SCHIP1: variants seen among roughly 807,000 people sequenced by gnomAD.
SCHIP1 encodes schwannomin interacting protein 1.
In SCHIP1, 8 loss-of-function variants were observed where a neutral mutation model predicts 29.7. The ratio of observed to expected loss-of-function variants is 0.27; its 90% CI spans 0.16 to 0.49. The LOEUF (loss-of-function observed/expected upper bound fraction) is 0.49. Ranked by LOEUF, SCHIP1 falls within the 20% of genes least tolerant of loss-of-function variation. SCHIP1 has a pLI of 0.99. For synonymous variants in SCHIP1, 76 were observed against 94.9 expected (o/e 0.80, Z 1.16); for missense variants, 193 against 294.6 (o/e 0.66, Z 2.52).
chr3:159,888,877 G>A (rs770497985), exon 5 of SCHIP1: 11 of 1,613,950 alleles, frequency 6.8e-6, no homozygotes, highest in Admixed American at 5.0e-5. Context: ...AAAACCCACC[G>A]ACCTGAGAGA....
At chr3:159,401,355 A>G in the SCHIP1 span, 33 of 972,480 alleles carry the variant, frequency 3.4e-5, no homozygotes, top group Non-Finnish European at 4.0e-5. Context: ...AGTGGGATGT[A>G]GTTCTAATGT....
chr3:159,711,265 G>A, the SCHIP1 span, among the ~76,000 whole-genome samples: 1 of 79,822 alleles, frequency 1.3e-5, no homozygotes, highest in African/African-American at 1.6e-4. Context: ...GGAGGCTGAG[G>A]CAGGAGAATG....
At chr3:159,493,065 A>G in the SCHIP1 span, among the ~76,000 whole-genome samples, 1 of 152,210 alleles carries the variant, frequency 6.6e-6, no homozygotes, top group Non-Finnish European at 1.5e-5. Context: ...TGATTTTGTC[A>G]CCACCAGGCC....
intron 5 of SCHIP1, among the ~76,000 whole-genome samples, chr3:159,889,456 C>T (rs551873619): frequency 8.0e-4 from 122 of 152,252 alleles, no homozygotes; most frequent in African/African-American, 2.9e-3. Context: ...ACAGAAGTGG[C>T]CACAGGGAGT....
At chr3:159,831,189 T>C in the SCHIP1 span, among the ~76,000 whole-genome samples, 1 of 152,198 alleles carries the variant, frequency 6.6e-6, no homozygotes, top group Non-Finnish European at 1.5e-5. Context: ...CAATGGGAAA[T>C]CAACATAAAA....
At chr3:159,791,381 C>A in the SCHIP1 span, among the ~76,000 whole-genome samples, 991 of 152,356 alleles carry the variant, frequency 6.5e-3, 7 homozygotes, top group African/African-American at 0.023. Context: ...AGCCACCACT[C>A]CTGGGACCAA....
the SCHIP1 span, among the ~76,000 whole-genome samples, chr3:159,491,739 C>T: frequency 1.3e-5 from 2 of 152,228 alleles, no homozygotes; most frequent in African/African-American, 2.4e-5. Context: ...TGTCTGACAG[C>T]TTTGAAGAGA....
the SCHIP1 span, among the ~76,000 whole-genome samples, chr3:159,425,398 T>A: frequency 1.3e-5 from 2 of 150,552 alleles, no homozygotes; most frequent in African/African-American, 4.9e-5. Context: ...AATCCTAGTC[T>A]CTGATAAAAC....
At chr3:159,351,376 C>T in the SCHIP1 span, among the ~76,000 whole-genome samples, 6 of 152,094 alleles carry the variant, frequency 3.9e-5, no homozygotes, top group Non-Finnish European at 5.9e-5. Flanking sequence ...TCAAAGTCAA[C>T]TCCAGTCATT....
chr3:159,668,376 C>CAAAAAAAAAAAAAAAAAAA, the SCHIP1 span, among the ~76,000 whole-genome samples: 83 of 46,406 alleles, frequency 1.8e-3, 6 homozygotes, highest in African/African-American at 7.7e-3. Context: ...GACTCCGTCT[C>CAAAAAAAAAAAAAAAAAAA]AAAAAAAAAA....
At chr3:159,819,848 T>G in the SCHIP1 span, among the ~76,000 whole-genome samples, 3 of 152,344 alleles carry the variant, frequency 2.0e-5, no homozygotes, top group East Asian at 5.8e-4. Flanking sequence ...GCCTGGGCCC[T>G]TCCACAGATT....
chr3:159,672,055 C>CAAATGTCACT, the SCHIP1 span, among the ~76,000 whole-genome samples: 1 of 152,190 alleles, frequency 6.6e-6, no homozygotes, highest in Non-Finnish European at 1.5e-5. Flanking sequence ...ATTGGAACCT[C>CAAATGTCACT]AAATGTCACT....
chr3:159,660,481 CTG>C, the SCHIP1 span, among the ~76,000 whole-genome samples: 87 of 152,034 alleles, frequency 5.7e-4, no homozygotes, highest in African/African-American at 2.1e-3. Flanking sequence ...TAATGTAGAT[CTG>C]TGTGTGTATA....
At chr3:159,722,703 C>A in the SCHIP1 span, among the ~76,000 whole-genome samples, 4 of 152,178 alleles carry the variant, frequency 2.6e-5, no homozygotes, top group East Asian at 5.8e-4. Context: ...CATATTGTCT[C>A]GTTAAATTGT....
chr3:159,678,627 A>G, the SCHIP1 span, among the ~76,000 whole-genome samples: 1 of 152,250 alleles, frequency 6.6e-6, no homozygotes. Flanking sequence ...TTGGTTATGT[A>G]TCGGATCAAC....
chr3:159,599,097 G>T, the SCHIP1 span, among the ~76,000 whole-genome samples: 1 of 151,956 alleles, frequency 6.6e-6, no homozygotes, highest in Non-Finnish European at 1.5e-5. Context: ...CAGTCTATAG[G>T]TGACTTTATT....
At chr3:159,506,623 C>T in the SCHIP1 span, among the ~76,000 whole-genome samples, 40 of 152,210 alleles carry the variant, frequency 2.6e-4, no homozygotes, top group Admixed American at 7.9e-4. Flanking sequence ...GTCTTTAATC[C>T]TTCTTGAATT....
At chr3:159,700,890 G>A in the SCHIP1 span, among the ~76,000 whole-genome samples, 2 of 152,032 alleles carry the variant, frequency 1.3e-5, no homozygotes, top group African/African-American at 4.8e-5. Flanking sequence ...GCAAGTTACA[G>A]GCAGTAGGTA....
chr3:159,694,700 G>C, the SCHIP1 span, among the ~76,000 whole-genome samples: 3 of 152,166 alleles, frequency 2.0e-5, no homozygotes, highest in Non-Finnish European at 1.5e-5. Flanking sequence ...CAACAACTCT[G>C]TCACTGATTC....
Sources: allele counts gnomAD v4.1 joint callset (sites outside exome capture counted in the v4.1 genomes callset), GRCh38; gene constraint gnomAD v4.1.1; transcripts MANE v1.5; gene names NCBI Gene and HGNC (gene_info 2026-07-23, HGNC 2026-07-21).